Variants in LAMP3 observed in about 807,000 individuals in gnomAD.
The protein encoded by LAMP3 is lysosome-associated membrane glycoprotein 3.
In LAMP3, 26 loss-of-function variants were observed where a neutral mutation model predicts 34.8. The observed-to-expected ratio is 0.75, with a 90% CI of 0.55 to 1.04. The LOEUF is 1.04. Among genes scored for constraint, LAMP3 ranks in the 50% least tolerant of loss-of-function variants. The pLI, the probability that LAMP3 is intolerant of heterozygous loss-of-function variation, is 0.00. For synonymous variants in LAMP3, 180 were observed against 201.9 expected (o/e 0.89, Z 0.92); for missense variants, 495 against 524.0 (o/e 0.94, Z 0.54).
chr3:183,146,493 G>A (rs1434490068), intron 3 of LAMP3, among the ~76,000 whole-genome samples: 2 of 147,758 alleles, frequency 1.4e-5, no homozygotes, highest in African/African-American at 5.0e-5. Context: ...GCCTTCAGTT[G>A]TATGTTTTTT....
Position 183,152,390 on chromosome 3 carries a change from A to C in LAMP3, c.873T>G (p.Asn291Lys), listed in dbSNP as rs1239355632. The change falls in exon 3 of 6, where the codon AAT becomes AAG. Residue 291 changes from asparagine (N) to lysine (K), a missense_variant. By Grantham distance (94) the Asn-to-Lys change is moderately conservative (BLOSUM62 0). Coordinates refer to ENST00000265598, the MANE Select transcript of LAMP3 (RefSeq NM_014398.4). ...LLLNFQGGFV[N>K]LTFTKDEESY... ...CAGGCCTCACCTTGGTAAATGTGAG[A>C]TTCACAAATCCGCCCTGAAAATTCA... 1 of 1,611,374 alleles carries C rather than the reference A, an allele frequency of 6.2e-7. No individual in the cohort carries two copies. The highest frequency in any genetic ancestry group is 1.1e-5 in the South Asian group (1 of 90,662).
intron 5 of LAMP3, chr3:183,132,987 C>T (rs1420622448): frequency 4.1e-5 from 40 of 966,444 alleles, no homozygotes; most frequent in Non-Finnish European, 3.0e-5. Context: ...ACAAGTGTTA[C>T]AGACTGGCCA....
intron 5 of LAMP3, among the ~76,000 whole-genome samples, chr3:183,129,899 G>A (rs1334683170): frequency 6.6e-6 from 1 of 152,024 alleles, no homozygotes; most frequent in African/African-American, 2.4e-5. Flanking sequence ...CATTAGGGTG[G>A]GCCTCTATCC....
At chr3:183,142,518 G>A (rs1050778009) in intron 3 of LAMP3, among the ~76,000 whole-genome samples, 8 of 151,438 alleles carry the variant, frequency 5.3e-5, no homozygotes, top group Non-Finnish European at 5.9e-5. Flanking sequence ...TCCTTACAAC[G>A]ACCCCGAGAC....
chr3:183,141,038 G>A (rs1476092201), intron 3 of LAMP3, among the ~76,000 whole-genome samples: 3 of 152,164 alleles, frequency 2.0e-5, no homozygotes, highest in Non-Finnish European at 4.4e-5. Flanking sequence ...CTTCCATCTG[G>A]CTTAGAAGGC....
chr3:183,155,813 G>A (rs1044970290), intron 1 of LAMP3, among the ~76,000 whole-genome samples: 3 of 152,084 alleles, frequency 2.0e-5, no homozygotes, highest in Non-Finnish European at 2.9e-5. Flanking sequence ...AATATGGGTC[G>A]AACGAAAAAA....
chr3:183,131,126 G>A (rs960722543), intron 5 of LAMP3, among the ~76,000 whole-genome samples: 1 of 152,168 alleles, frequency 6.6e-6, no homozygotes, highest in African/African-American at 2.4e-5. Context: ...GGGGTCGGGG[G>A]AATAGATAGC....
At chr3:183,131,501 C>T (rs1454111580) in intron 5 of LAMP3, among the ~76,000 whole-genome samples, 1 of 152,144 alleles carries the variant, frequency 6.6e-6, no homozygotes, top group Non-Finnish European at 1.5e-5. Flanking sequence ...CTCCCGGGTC[C>T]TCATATCAGA....
intron 1 of LAMP3, among the ~76,000 whole-genome samples, chr3:183,156,810 C>A (rs1310310734): frequency 1.3e-5 from 2 of 152,144 alleles, no homozygotes; most frequent in Non-Finnish European, 2.9e-5. Flanking sequence ...GCCATTTGAC[C>A]ATAATGACAC....
Position 183,152,487 on chromosome 3 carries a change from C to T in LAMP3, c.776G>A (p.Arg259Lys), listed in dbSNP as rs758099936. The T allele has an allele frequency of 7.5e-6, 12 of 1,609,898 alleles. No homozygotes were observed. In the South Asian group the frequency reaches 1.3e-4, roughly 18 times the overall value. Residue 259 changes from arginine to lysine, a missense_variant, in exon 3 of 6, where the codon AGA (arginine) becomes AAA (lysine). Physicochemically the swap from Arg to Lys is conservative, Grantham distance 26. Transcript: ENST00000265598. The stretch of plus-strand genomic sequence containing the variant: ...TGCGTTGGGGTCGATGTTGAAGTAT[C>T]TCCGAGGTGAAAAAACCTAAATCAA... ...QDKESVFSPR[R>K]YFNIDPNATQ...
chr3:183,139,829 T>C (rs1177029169), intron 4 of LAMP3, among the ~76,000 whole-genome samples: 1 of 152,154 alleles, frequency 6.6e-6, no homozygotes, highest in African/African-American at 2.4e-5. Flanking sequence ...AACTATTAGT[T>C]TGAAAAATTA....
intron 1 of LAMP3, among the ~76,000 whole-genome samples, chr3:183,156,695 G>A (rs1357965359): frequency 6.6e-6 from 1 of 152,126 alleles, no homozygotes; most frequent in Non-Finnish European, 1.5e-5. Flanking sequence ...TACATAGAAG[G>A]CCTTAGGTCA....
chr3:183,138,804 T>G (rs1045935348), intron 4 of LAMP3, among the ~76,000 whole-genome samples: 1 of 152,210 alleles, frequency 6.6e-6, no homozygotes, highest in Non-Finnish European at 1.5e-5. Flanking sequence ...TGCCCTGGCC[T>G]GGCTCTCTGT....
At position 183,123,850 on chromosome 3, in the gene LAMP3, G is replaced by A. The variant is rs772969060; in HGVS notation, c.*231C>T. The A allele has an allele frequency of 1.3e-5, 6 of 477,122 alleles. No individual in the cohort carries two copies. Among genetic ancestry groups the A allele is most frequent in the Non-Finnish European group, 2.2e-5 (6 of 269,374 alleles). 29.6% of individuals were successfully genotyped at this position (477,122 alleles called of 1,614,324 possible). A position where few individuals can be genotyped will look rare whatever the true frequency, so the allele number is the denominator to read the frequency against. Reference sequence around the variant, plus strand: ...TTTGAGTGGCTAAAATATTCTAAAGGAAACTAGAAAATAAACAGCTCACTA... The same window carrying A: ...TTTGAGTGGCTAAAATATTCTAAAGAAAACTAGAAAATAAACAGCTCACTA... On this transcript the variant is annotated 3_prime_UTR_variant, in exon 6 of 6. Coordinates refer to ENST00000265598, the MANE Select transcript of LAMP3 (RefSeq NM_014398.4).
intron 5 of LAMP3, 122 bp downstream of exon 5, chr3:183,135,595 C>T (rs1720058170): frequency 2.1e-6 from 2 of 949,918 alleles, no homozygotes; most frequent in Non-Finnish European, 3.3e-6. Context: ...TATGTGGAAT[C>T]ACACCATCCC....
At chr3:183,128,757 G>T (rs1284485541) in intron 5 of LAMP3, among the ~76,000 whole-genome samples, 1 of 152,086 alleles carries the variant, frequency 6.6e-6, no homozygotes, top group African/African-American at 2.4e-5. Flanking sequence ...GCCCAGGCTG[G>T]TCTTAAACTC....
intron 5 of LAMP3, among the ~76,000 whole-genome samples, chr3:183,127,761 C>CCA (rs1719815985): frequency 1.3e-5 from 2 of 152,196 alleles, no homozygotes; most frequent in Admixed American, 1.3e-4. Context: ...AGGAAACAAT[C>CCA]TTTGACCTTG....
rs117919816 is a variant in LAMP3 at position 183,147,772 on chromosome 3, C to T, written c.888+4603G>A. 1.8e-3 allele frequency among the ~76,000 whole-genome samples: 277 copies of T among 152,200 alleles called. 5 individuals carry two copies. The East Asian group carries it at 0.045, about 25-fold the overall frequency. ...CTCTATCACCCAGGCTGGAGTGCAA[C>T]GGCACAATCATAGCTCATTGCAGCC... On this transcript the variant is annotated intron_variant, in intron 3 of 5. Transcript: ENST00000265598.
At chr3:183,135,931 C>A (rs767818801) in intron 4 of LAMP3, 44 bp from the exon 5 acceptor site, 7 of 1,492,692 alleles carry the variant, frequency 4.7e-6, no homozygotes, top group South Asian at 2.3e-5. Flanking sequence ...TGAGATGTAA[C>A]CGCTGAGCTC....
Sources: gnomAD v4.1 joint callset for allele counts (sites outside exome capture counted in the v4.1 genomes callset) on GRCh38, gnomAD v4.1.1 for gene constraint, MANE v1.5 for transcripts, NCBI Gene and HGNC (gene_info 2026-07-23, HGNC 2026-07-21) for gene names.